The following NEURL4 variants were observed in gnomAD, a reference collection of about 807,000 sequenced individuals.
NEURL4 encodes the protein neuralized-like protein 4.
Under a neutral mutation model 148.0 loss-of-function variants are expected in NEURL4, and 45 were observed. That is an observed-to-expected ratio of 0.30 (90% CI 0.24 to 0.39). The LOEUF is 0.39. Among genes scored for constraint, NEURL4 ranks in the 10% least tolerant of loss-of-function variants. The pLI, the probability that NEURL4 is intolerant of heterozygous loss-of-function variation, is 1.00. For missense variants in NEURL4, 1,776 were observed against 2,144.0 expected, an observed-to-expected ratio of 0.83 and a Z score of 3.39; for synonymous variants, 854 against 869.0, an observed-to-expected ratio of 0.98 and a Z score of 0.30.
intron 8 of NEURL4, 63 bp downstream of exon 8, chr17:7,325,146 C>CGGGGGGGGG: frequency 2.5e-6 from 1 of 401,116 alleles, no homozygotes; most frequent in Non-Finnish European, 4.5e-6. Context: ...CACTTCCTTG[C>CGGGGGGGGG]CCCGCCCCCC....
rs748350093 is a variant in NEURL4, at chr17:7,318,717, C to T, written c.3685-43G>A. On this transcript the variant is annotated intron_variant, in intron 22 of 28. Transcript: ENST00000399464. This position sits in a 1 kb window ranked among gnomAD's most constrained non-coding sequence, Gnocchi z 4.3. ...CTGTCTTCCAGAGGTCAGACTCCAC[C>T]GCGGCAGCTGTCCCGCCCTTTGCTC... 1.9e-5 allele frequency: 30 copies of T among 1,557,534 alleles called. No homozygotes were observed. Among genetic ancestry groups the T allele is most frequent in the African/African-American group, 1.5e-4 (11 of 73,308 alleles).
rs2073075625 is a variant in NEURL4, at chr17:7,324,470, C to T, written c.1824G>A (p.Met608Ile). The change falls in exon 10 of 29, where the codon ATG becomes ATA. Residue 608 changes from methionine (M) to isoleucine (I), a missense_variant. Transcript: ENST00000399464. The surrounding 1 kb of genome is among the most constrained non-coding windows in gnomAD (Gnocchi z 5.9). ...TMTNLRSGTW[M>I]MTGNGVMHNG... ...TGTGCATCACCCCATTCCCAGTCAT[C>T]ATCCAGGTCCCTGGGAGGACAAGGA... The T allele has an allele frequency of 6.2e-7, 1 of 1,614,166 alleles. No homozygotes were observed. The highest frequency in any genetic ancestry group is 8.5e-7 in the Non-Finnish European group (1 of 1,179,964).
intron 28 of NEURL4, among the ~76,000 whole-genome samples, 190 bp downstream of exon 28, chr17:7,317,015 T>A (rs997419780): frequency 3.3e-5 from 5 of 152,154 alleles, no homozygotes; most frequent in African/African-American, 1.2e-4. Context: ...AAGGTTCCTT[T>A]TTTTGCCCAC....
Position 7,321,150 on chromosome 17 carries a change from C to T in NEURL4, c.3322G>A (p.Gly1108Ser), listed in dbSNP as rs1357508078. ...TCCTCGCCCTCGTCATCCTCCTCGC[C>T]CTCACTGCCGGTGTCTGAACTGGGG... ...PSPSSDTGSEGEEDDEGEEHG... is the reference protein window; with the variant it reads ...PSPSSDTGSESEEDDEGEEHG... The change falls in exon 20 of 29, where the codon GGC becomes AGC. Residue 1108 changes from glycine to serine, a missense_variant. Physicochemically the swap from Gly to Ser is moderately conservative, Grantham distance 56. Transcript: ENST00000399464. The surrounding 1 kb of genome is among the most constrained non-coding windows in gnomAD (Gnocchi z 6.3). The T allele has an allele frequency of 1.2e-6, 2 of 1,613,978 alleles. No individual in the cohort carries two copies. Among genetic ancestry groups the T allele is most frequent in the East Asian group, 2.2e-5 (1 of 44,888 alleles).
At position 7,324,010 on chromosome 17, in the gene NEURL4, C is replaced by T; in HGVS notation, c.2065G>A (p.Val689Met). 1 of 1,609,416 alleles carries T rather than the reference C, an allele frequency of 6.2e-7. No homozygotes were observed. Reference protein sequence around the residue: ...AQATIVDDVEVAPVPEPLPEG... With the variant: ...AQATIVDDVEMAPVPEPLPEG... ...GGGAGTGGTTCAGGAACTGGAGCCA[C>T]CTCTGTAAAAGTGGACATCACCCAT... Residue 689 changes from valine to methionine, a missense_variant and splice_region_variant, in exon 12 of 29, where the codon GTG becomes ATG. Transcript: ENST00000399464. The surrounding 1 kb of genome is among the most constrained non-coding windows in gnomAD (Gnocchi z 5.9).
In NEURL4 at chr17:7,325,723, G is replaced by A. The variant is rs1567622697; in HGVS notation, c.1294-10C>T. The A allele has an allele frequency of 2.5e-6, 4 of 1,612,410 alleles. No individual in the cohort carries two copies. In the Admixed American group the frequency reaches 5.0e-5, roughly 20 times the overall value. On this transcript the variant is annotated splice_polypyrimidine_tract_variant and intron_variant, in intron 6 of 28. Transcript: ENST00000399464. ...CAATGTGGTCACCCTCCTAATCAAAGAAGACAAACAGTTTAGAGGAGTCCT... is the reference window on the plus strand; with the variant it reads ...CAATGTGGTCACCCTCCTAATCAAAAAAGACAAACAGTTTAGAGGAGTCCT...
chr17:7,317,249 G>A lies in NEURL4; in HGVS notation c.4440C>T (p.Pro1480=), dbSNP rs2072960466. The A allele has an allele frequency of 1.3e-6, 2 of 1,522,578 alleles. No homozygotes were observed. Among genetic ancestry groups the A allele is most frequent in the Non-Finnish European group, 8.8e-7 (1 of 1,137,164 alleles). 94.3% of individuals were successfully genotyped at this position (1,522,578 alleles called of 1,614,324 possible). The change falls in exon 28 of 29, where the codon CCC becomes CCT. Residue 1480 remains proline (P), a synonymous_variant. Transcript: ENST00000399464. The part of the protein sequence containing the change: ...EEQPPPVLLS[P]SLQYAGAETL... ...TCTCCGCCCCAGCATATTGAAGGGA[G>A]GGGGAAAGCAGCACAGGAGGGGGCT...
In NEURL4 at chr17:7,325,728, C is replaced by T; in HGVS notation, c.1294-15G>A. ...TGGTCACCCTCCTAATCAAAGAAGA[C>T]AAACAGTTTAGAGGAGTCCTGAGGC... On this transcript the variant is annotated splice_polypyrimidine_tract_variant and intron_variant, in intron 6 of 28. Transcript: ENST00000399464. The T allele has an allele frequency of 6.2e-7, 1 of 1,611,948 alleles. No homozygotes were observed. Among genetic ancestry groups the T allele is most frequent in the African/African-American group, 1.3e-5 (1 of 74,958 alleles).
Position 7,327,501 on chromosome 17 carries a change from G to A in NEURL4, c.666C>T (p.Leu222=), listed in dbSNP as rs375364062. 30 of 1,592,052 alleles carry A rather than the reference G, an allele frequency of 1.9e-5. No individual in the cohort carries two copies. In the African/African-American group the frequency reaches 2.9e-4, roughly 16 times the overall value. ...AGTCTTCAGTGGGGGCCAAGGGCTC[G>A]AGGGGAGGTGTGGGGATGGGAGTAG... ...SPPTPIPTPP[L]EPLAPTEDSA... The change falls in exon 2 of 29, where the codon CTC becomes CTT. Residue 222 remains leucine (L), a synonymous_variant. Transcript: ENST00000399464. The surrounding 1 kb of genome is among the most constrained non-coding windows in gnomAD (Gnocchi z 6.6).
rs1235282902 is a variant in NEURL4, at chr17:7,324,335, C to G, written c.1899+60G>C. On this transcript the variant is annotated intron_variant, in intron 10 of 28. Transcript: ENST00000399464. The surrounding 1 kb of genome is among the most constrained non-coding windows in gnomAD (Gnocchi z 5.9). ...GTTCCTGCCGGGGCTGGTCCTGCATCAGCCCCGCGGTGTTTGTGATGCCCG... is the reference window on the plus strand; with the variant it reads ...GTTCCTGCCGGGGCTGGTCCTGCATGAGCCCCGCGGTGTTTGTGATGCCCG... The G allele has an allele frequency of 6.2e-7, 1 of 1,613,740 alleles. No homozygotes were observed. The highest frequency in any genetic ancestry group is 1.3e-5 in the African/African-American group (1 of 74,944).
At chr17:7,329,003 T>C (rs2073138621) in intron 1 of NEURL4, 28 bp downstream of exon 1, 1 of 1,529,600 alleles carries the variant, frequency 6.5e-7, no homozygotes, top group Non-Finnish European at 8.8e-7. Context: ...ACCCTCCACA[T>C]CTCTGTTCCG....
chr17:7,319,282 G>A, intron 21 of NEURL4, 74 bp from the exon 22 acceptor site: 1 of 1,370,018 alleles, frequency 7.3e-7, no homozygotes, highest in South Asian at 1.4e-5. Context: ...GCCAGAGAGG[G>A]AATACTGCAC....
Position 7,327,371 on chromosome 17 carries a change from C to A in NEURL4, c.727+69G>T. 2 of 1,459,316 alleles carry A rather than the reference C, an allele frequency of 1.4e-6. No homozygotes were observed. Among genetic ancestry groups the A allele is most frequent in the Non-Finnish European group, 9.3e-7 (1 of 1,076,444 alleles). 90.4% of individuals were successfully genotyped at this position (1,459,316 alleles called of 1,614,324 possible). On this transcript the variant is annotated intron_variant, in intron 2 of 28. Transcript: ENST00000399464. The surrounding 1 kb of genome is among the most constrained non-coding windows in gnomAD (Gnocchi z 6.6). ...TCAGGGTGGCCCTGCCCACACCCAGCCTGTCTTGTCACTCTATTTCCCCCA... is the reference window on the plus strand; with the variant it reads ...TCAGGGTGGCCCTGCCCACACCCAGACTGTCTTGTCACTCTATTTCCCCCA...
rs770042406 is a variant in NEURL4, at chr17:7,325,180, C to G, written c.1631+29G>C. ...CCCCCCCCCATTAGAATCCCTTCTT[C>G]AGGCTTCTCCCCACCCCATGGGCCA... On this transcript the variant is annotated intron_variant, in intron 8 of 28. Coordinates refer to ENST00000399464, the MANE Select transcript of NEURL4 (RefSeq NM_032442.3). The G allele has an allele frequency of 2.3e-5, 16 of 691,456 alleles. 1 individual carries two copies. The highest frequency in any genetic ancestry group is 2.1e-4 in the South Asian group (14 of 67,680). The allele number at this position is 691,456 out of a possible 1,614,324, so 42.8% of individuals were successfully genotyped here.
At position 7,316,034 on chromosome 17, in the gene NEURL4, C is replaced by G. The variant is rs2072938504; in HGVS notation, c.*89G>C. On this transcript the variant is annotated 3_prime_UTR_variant, in exon 29 of 29. Transcript: ENST00000399464. ...CAAGCTCCAGCACCTGCGCATGCCA[C>G]GAGTCACGGGAATGAGGTGGAGGCA... is the stretch of plus-strand genomic sequence containing the variant. 2.5e-6 allele frequency: 2 copies of G among 788,594 alleles called. No homozygotes were observed. The highest frequency in any genetic ancestry group is 3.5e-5 in the Admixed American group (2 of 56,772). 48.8% of individuals were successfully genotyped at this position (788,594 alleles called of 1,614,324 possible). A position where few individuals can be genotyped will look rare whatever the true frequency, so the allele number is the denominator to read the frequency against.
At chr17:7,319,259 G>GAGAGGGAATA (rs1372419341) in intron 21 of NEURL4, 51 bp from the exon 22 acceptor site, 1 of 1,522,732 alleles carries the variant, frequency 6.6e-7, no homozygotes, top group African/African-American at 1.4e-5. Context: ...GAAGAACCAG[G>GAGAGGGAATA]CTCCGCACCC....
chr17:7,325,157 C>A (rs900307968), intron 8 of NEURL4, 52 bp downstream of exon 8: 3 of 757,494 alleles, frequency 4.0e-6, no homozygotes, highest in South Asian at 3.1e-5. Flanking sequence ...CCCGCCCCCC[C>A]CCCCCCATTA....
Position 7,326,788 on chromosome 17 carries a change from G to C in NEURL4, c.1015C>G (p.Arg339Gly), listed in dbSNP as rs1285073310. 6.2e-7 allele frequency: 1 copy of C among 1,613,204 alleles called. No homozygotes were observed. The highest frequency in any genetic ancestry group is 1.1e-5 in the South Asian group (1 of 90,956). Residue 339 changes from arginine (R) to glycine (G), a missense_variant, in exon 4 of 29, where the codon CGC becomes GGC. Physicochemically the swap from Arg to Gly is moderately radical, Grantham distance 125 (BLOSUM62 -2). Coordinates refer to ENST00000399464, the MANE Select transcript of NEURL4 (RefSeq NM_032442.3). This position sits in a 1 kb window ranked among gnomAD's most constrained non-coding sequence, Gnocchi z 6.0. ...KLSNNNKTAERRRPLDEFNNG... is the reference protein window; with the variant it reads ...KLSNNNKTAEGRRPLDEFNNG... ...TTGAATTCATCCAGGGGCCGCCGGCGCTCAGCCGTCTTATTATTGTTGCTG... is the reference window on the plus strand; with the variant it reads ...TTGAATTCATCCAGGGGCCGCCGGCCCTCAGCCGTCTTATTATTGTTGCTG...
rs776152563 is a variant in NEURL4 at position 7,319,155 on chromosome 17, G to A, written c.3579C>T (p.Val1193=). 1 of 1,614,054 alleles carries A rather than the reference G, an allele frequency of 6.2e-7. No individual in the cohort carries two copies. Among genetic ancestry groups the A allele is most frequent in the South Asian group, 1.1e-5 (1 of 91,066 alleles). Residue 1193 remains valine (V), a synonymous_variant, in exon 22 of 29, where the codon GTC becomes GTT. Coordinates refer to ENST00000399464, the MANE Select transcript of NEURL4 (RefSeq NM_032442.3). ...TGAGCCTCTCAGGCGCGCAGGTGAT[G>A]ACTCCCAGGACAAGGGAAGATGTCC... The part of the protein sequence containing the change: ...RQWTSSLVLG[V]ITCAPERLNF...
Sources: allele counts gnomAD v4.1 joint callset (sites outside exome capture counted in the v4.1 genomes callset), GRCh38; gene constraint gnomAD v4.1.1; non-coding constraint Gnocchi (gnomAD v3.1); transcripts MANE v1.5; gene names NCBI Gene and HGNC (gene_info 2026-07-23, HGNC 2026-07-21).